Variants in PRIM2 observed in about 807,000 individuals in gnomAD.
PRIM2 encodes the protein DNA primase large subunit.
A neutral mutation model predicts 67.3 loss-of-function variants in PRIM2; 39 were observed. The ratio of observed to expected loss-of-function variants is 0.58; its 90% CI spans 0.45 to 0.76. The LOEUF is 0.76. PRIM2 is among the 30% of genes least tolerant of loss of function. The pLI, the probability that PRIM2 is intolerant of heterozygous loss-of-function variation, is 0.00. For synonymous variants in PRIM2, 143 were observed against 198.7 expected (o/e 0.72, Z 2.36); for missense variants, 398 against 598.7 (o/e 0.66, Z 3.50).
intron 10 of PRIM2, among the ~76,000 whole-genome samples, chr6:57,547,918 T>C (rs1775321796): frequency 6.6e-6 from 1 of 152,210 alleles, no homozygotes; most frequent in African/African-American, 2.4e-5. Flanking sequence ...ATTGTTAGGA[T>C]TTTTTATTTC....
intron 7 of PRIM2, among the ~76,000 whole-genome samples, chr6:57,483,496 T>C (rs1267588727): frequency 3.9e-5 from 6 of 152,190 alleles, no homozygotes; most frequent in African/African-American, 4.8e-5. Context: ...ATAAGATACA[T>C]AGTTTATAAA....
At chr6:57,524,854 T>A (rs1477658515) in intron 8 of PRIM2, among the ~76,000 whole-genome samples, 1 of 152,140 alleles carries the variant, frequency 6.6e-6, no homozygotes, top group Non-Finnish European at 1.5e-5. Context: ...ATTGCAAAAT[T>A]CTGTTTTCTT....
chr6:57,529,610 C>T (rs1227277246), intron 8 of PRIM2, among the ~76,000 whole-genome samples: 2 of 151,982 alleles, frequency 1.3e-5, no homozygotes, highest in Admixed American at 1.3e-4. Flanking sequence ...AGGTGTCACT[C>T]AAGGGAAAGA....
intron 7 of PRIM2, among the ~76,000 whole-genome samples, chr6:57,402,060 C>G (rs77186818): frequency 6.6e-6 from 1 of 151,906 alleles, no homozygotes; most frequent in African/African-American, 2.4e-5. Context: ...CCAGGCCTGG[C>G]GGACCTGCCC....
rs1202276427 is a variant in PRIM2, at chr6:57,484,056, AT to A, written c.694-23329del. 4.8e-3 allele frequency among the ~76,000 whole-genome samples: 730 copies of A among 152,308 alleles called. 6 individuals carry two copies. The highest frequency in any genetic ancestry group is 0.017 in the African/African-American group (703 of 41,572). On this transcript the variant is annotated intron_variant, in intron 7 of 13. Coordinates refer to ENST00000615550, the MANE Select transcript of PRIM2 (RefSeq NM_000947.5). ...TACTAGGCCTTACTTCCTTTTATTC[AT>A]TGATTTAATAATACCACATGCTATT... is the stretch of plus-strand genomic sequence containing the variant.
At chr6:57,577,544 T>C (rs1378696751) in intron 10 of PRIM2, among the ~76,000 whole-genome samples, 2 of 150,878 alleles carry the variant, frequency 1.3e-5, no homozygotes, top group Non-Finnish European at 2.9e-5. Context: ...TTCTCCTGCC[T>C]CAGCCTCCCG....
At chr6:57,416,533 C>G (rs13191214) in intron 7 of PRIM2, among the ~76,000 whole-genome samples, 5 of 152,282 alleles carry the variant, frequency 3.3e-5, no homozygotes, top group Admixed American at 6.5e-5. Context: ...ATGAGCCTGT[C>G]CTTTGAAGCT....
chr6:57,623,268 T>C (rs1665580177), intron 12 of PRIM2, among the ~76,000 whole-genome samples: 1 of 152,176 alleles, frequency 6.6e-6, no homozygotes. Flanking sequence ...CTTTTGGCTT[T>C]AACACTTGAT....
chr6:57,326,003 A>C lies in PRIM2; in HGVS notation c.417A>C (p.Lys139Asn), dbSNP rs1767838127. 1.9e-6 allele frequency: 3 copies of C among 1,613,010 alleles called. No individual in the cohort carries two copies. Among genetic ancestry groups the C allele is most frequent in the Admixed American group, 3.3e-5 (2 of 59,978 alleles). ...RFRFSILPKD[K>N]IQDFLKDSQL... The stretch of plus-strand genomic sequence containing the variant: ...GATTTAGTATTTTACCCAAGGATAA[A>C]ATTCAGGATTTCTTAAAGGATAGCC... The change falls in exon 5 of 14, where the codon AAA becomes AAC. Residue 139 changes from lysine to asparagine, a missense_variant. Physicochemically the swap from Lys to Asn is moderately conservative, Grantham distance 94. Coordinates refer to ENST00000615550, the MANE Select transcript of PRIM2 (RefSeq NM_000947.5).
intron 5 of PRIM2, among the ~76,000 whole-genome samples, chr6:57,345,531 C>A (rs1768648735): frequency 8.0e-6 from 1 of 125,338 alleles, no homozygotes; most frequent in Admixed American, 7.9e-5. Context: ...TTTATATCCT[C>A]AAAGAATGAA....
At chr6:57,562,348 A>G (rs1352786204) in intron 10 of PRIM2, among the ~76,000 whole-genome samples, 2 of 152,198 alleles carry the variant, frequency 1.3e-5, no homozygotes, top group African/African-American at 4.8e-5. Flanking sequence ...AAAATGCGCT[A>G]TCTATGAAGC....
chr6:57,295,267 C>T, the PRIM2 span, among the ~76,000 whole-genome samples: 1 of 152,054 alleles, frequency 6.6e-6, no homozygotes, highest in Non-Finnish European at 1.5e-5. Flanking sequence ...AATTTTGATG[C>T]CAATAATGAC....
In PRIM2 at chr6:57,460,612, GATTTAAAAAAAA is replaced by G. The variant is rs1270702446; in HGVS notation, c.694-46773_694-46762del. On this transcript the variant is annotated intron_variant, in intron 7 of 13. Coordinates refer to ENST00000615550, the MANE Select transcript of PRIM2 (RefSeq NM_000947.5). ...AGGCCTGTCTTATGGCTGTCATCCT[GATTTAAAAAAAA>G]AAAAAAAAGCTTTTCAATTGAACTT... Among the ~76,000 whole-genome samples, 7 of 140,630 alleles carry G rather than the reference GATTTAAAAAAAA, an allele frequency of 5.0e-5. No homozygotes were observed. In the Admixed American group the frequency reaches 5.0e-4, roughly 10 times the overall value. 92.3% of individuals were successfully genotyped at this position (140,630 alleles called of 152,430 possible). A position where few individuals can be genotyped will look rare whatever the true frequency, so the allele number is the denominator to read the frequency against.
intron 7 of PRIM2, among the ~76,000 whole-genome samples, chr6:57,421,694 C>T (rs1054671911): frequency 1.3e-5 from 2 of 152,128 alleles, no homozygotes; most frequent in Admixed American, 6.5e-5. Context: ...TTCAGCTTTC[C>T]ATCCCACTTC....
the PRIM2 span, among the ~76,000 whole-genome samples, chr6:57,284,560 C>G: frequency 6.6e-6 from 1 of 152,094 alleles, no homozygotes; most frequent in Non-Finnish European, 1.5e-5. Context: ...TCATCACTCA[C>G]CCCTCATTTA....
the PRIM2 span, among the ~76,000 whole-genome samples, chr6:57,295,374 G>A: frequency 6.6e-6 from 1 of 152,082 alleles, no homozygotes; most frequent in Non-Finnish European, 1.5e-5. Context: ...GGGAATATCT[G>A]CTCCAGTACT....
intron 8 of PRIM2, among the ~76,000 whole-genome samples, chr6:57,509,887 G>A (rs1297954313): frequency 6.7e-6 from 1 of 149,176 alleles, no homozygotes; most frequent in African/African-American, 2.5e-5. Flanking sequence ...ATATATTTTA[G>A]AAATATATAA....
chr6:57,449,234 A>C lies in PRIM2; in HGVS notation c.694-58153A>C, dbSNP rs573521635. 1.3e-3 allele frequency among the ~76,000 whole-genome samples: 201 copies of C among 152,264 alleles called. 1 individual carries two copies. The highest frequency in any genetic ancestry group is 4.3e-3 in the African/African-American group (178 of 41,556). The stretch of plus-strand genomic sequence containing the variant: ...GTAAATTTCTATCTAAGAGATGACT[A>C]TTTAGCCCTAGGTGCAGAATTTGAA... On this transcript the variant is annotated intron_variant, in intron 7 of 13. Transcript: ENST00000615550.
At position 57,523,262 on chromosome 6, in the gene PRIM2, C is replaced by T. The variant is rs1484678644; in HGVS notation, c.762-9149C>T. 2.6e-5 allele frequency among the ~76,000 whole-genome samples: 4 copies of T among 152,314 alleles called. No individual in the cohort carries two copies. The South Asian group carries it at 8.3e-4, about 32-fold the overall frequency. On this transcript the variant is annotated intron_variant, in intron 8 of 13. Transcript: ENST00000615550. Reference sequence around the variant, plus strand: ...GATCTGTTTTATAATCCCTGTTTTACCAGTGATTAAGATGAAAGCAATTAA... The same window carrying T: ...GATCTGTTTTATAATCCCTGTTTTATCAGTGATTAAGATGAAAGCAATTAA...
Sources: allele counts gnomAD v4.1 joint callset (sites outside exome capture counted in the v4.1 genomes callset), GRCh38; gene constraint gnomAD v4.1.1; transcripts MANE v1.5; gene names NCBI Gene and HGNC (gene_info 2026-07-23, HGNC 2026-07-21).